Variants in TSPAN5 observed in about 807,000 individuals in gnomAD.
TSPAN5 encodes tetraspanin-5.
A neutral mutation model predicts 37.1 loss-of-function variants in TSPAN5; 10 were observed. The observed-to-expected ratio is 0.27, with a 90% confidence interval of 0.17 to 0.46. The LOEUF (loss-of-function observed/expected upper bound fraction) is 0.46, where lower values mean the gene tolerates loss of function less well. TSPAN5 is among the 20% of genes least tolerant of loss of function. The pLI, the probability that TSPAN5 is intolerant of heterozygous loss-of-function variation, is 1.00. For missense variants in TSPAN5, 195 were observed against 326.6 expected (o/e 0.60, Z 3.11); for synonymous variants, 110 against 118.9 (o/e 0.93, Z 0.48).
intron 1 of TSPAN5, among the ~76,000 whole-genome samples, chr4:98,649,327 T>G (rs1757135271): frequency 6.6e-6 from 1 of 152,184 alleles, no homozygotes; most frequent in Non-Finnish European, 1.5e-5. Flanking sequence ...GGTAGCAGGT[T>G]TGAAATCCAA....
Position 98,471,167 on chromosome 4 carries a change from G to C in TSPAN5, c.*1355C>G, listed in dbSNP as rs1752574189. The C allele has an allele frequency of 6.6e-6, 1 of 152,228 alleles. No individual in the cohort carries two copies. Among genetic ancestry groups the C allele is most frequent in the South Asian group, 2.1e-4 (1 of 4,830 alleles). The allele number at this position is 152,228 out of a possible 1,614,324, so 9.4% of individuals were successfully genotyped here. A position where few individuals can be genotyped will look rare whatever the true frequency, so the allele number is the denominator to read the frequency against. On this transcript the variant is annotated 3_prime_UTR_variant, in exon 8 of 8. Coordinates refer to ENST00000305798, the MANE Select transcript of TSPAN5 (RefSeq NM_005723.4). The stretch of plus-strand genomic sequence containing the variant: ...TGCTTTGATACCATCCTGATGGTTA[G>C]TCTGCAATAAGAGAACTGAAGGAGC...
intron 1 of TSPAN5, among the ~76,000 whole-genome samples, chr4:98,550,390 T>C (rs1287594822): frequency 1.3e-5 from 2 of 152,164 alleles, no homozygotes; most frequent in Non-Finnish European, 2.9e-5. Context: ...ATATGAATTT[T>C]AGGATTGGGT....
intron 1 of TSPAN5, among the ~76,000 whole-genome samples, chr4:98,525,274 C>T (rs1753935834): frequency 2.0e-5 from 3 of 152,200 alleles, no homozygotes; most frequent in African/African-American, 7.2e-5. Context: ...TCGTTTCCTT[C>T]AGTAACATTG....
At chr4:98,476,095 G>T in intron 7 of TSPAN5, 94 bp downstream of exon 7, 1 of 906,256 alleles carries the variant, frequency 1.1e-6, no homozygotes, top group South Asian at 1.5e-5. Flanking sequence ...TAAAAACTAT[G>T]ACAATCAAGG....
chr4:98,624,738 G>C (rs1464931091), intron 1 of TSPAN5, among the ~76,000 whole-genome samples: 1 of 152,112 alleles, frequency 6.6e-6, no homozygotes, highest in Non-Finnish European at 1.5e-5. Flanking sequence ...GTAGTTAATG[G>C]GGTAGAGCCA....
chr4:98,478,555 C>T (rs1421945539), intron 5 of TSPAN5, 130 bp downstream of exon 5: 2 of 1,089,868 alleles, frequency 1.8e-6, no homozygotes, highest in East Asian at 4.8e-5. Context: ...CACCATAACC[C>T]CCTACAGGAG....
intron 1 of TSPAN5, among the ~76,000 whole-genome samples, chr4:98,644,570 G>A (rs969499952): frequency 5.3e-5 from 8 of 151,814 alleles, no homozygotes; most frequent in Non-Finnish European, 1.0e-4. Flanking sequence ...GGTTACATAT[G>A]TATACATGTG....
At chr4:98,488,752 G>C (rs975864247) in intron 2 of TSPAN5, among the ~76,000 whole-genome samples, 1 of 152,110 alleles carries the variant, frequency 6.6e-6, no homozygotes, top group African/African-American at 2.4e-5. Context: ...CAGAGAAGTC[G>C]GACAAAATCC....
chr4:98,572,689 C>T (rs1755152810), intron 1 of TSPAN5, among the ~76,000 whole-genome samples: 1 of 152,254 alleles, frequency 6.6e-6, no homozygotes, highest in Non-Finnish European at 1.5e-5. Context: ...TAACACAATC[C>T]TAGCACTAGC....
chr4:98,575,687 T>C (rs1414071490), intron 1 of TSPAN5, among the ~76,000 whole-genome samples: 1 of 151,786 alleles, frequency 6.6e-6, no homozygotes, highest in East Asian at 1.9e-4. Flanking sequence ...TCACATAATA[T>C]TCTAGAAACT....
At chr4:98,652,479 A>G (rs1757212279) in intron 1 of TSPAN5, among the ~76,000 whole-genome samples, 2 of 152,218 alleles carry the variant, frequency 1.3e-5, no homozygotes, top group African/African-American at 4.8e-5. Context: ...CAAAAACTTT[A>G]TCACTTTTCG....
At chr4:98,561,232 G>A (rs753362262) in intron 1 of TSPAN5, among the ~76,000 whole-genome samples, 12 of 152,232 alleles carry the variant, frequency 7.9e-5, no homozygotes, top group Admixed American at 5.9e-4. Flanking sequence ...GAGCCATAAC[G>A]TGGAAAGGGC....
At chr4:98,655,868 T>C (rs914453164) in intron 1 of TSPAN5, among the ~76,000 whole-genome samples, 2 of 152,048 alleles carry the variant, frequency 1.3e-5, no homozygotes, top group Admixed American at 1.3e-4. Context: ...AATTTAAATA[T>C]GGGGTAATTT....
At chr4:98,520,878 T>C (rs1411935934) in intron 1 of TSPAN5, among the ~76,000 whole-genome samples, 2 of 147,334 alleles carry the variant, frequency 1.4e-5, no homozygotes, top group Non-Finnish European at 1.5e-5. Context: ...ACTTATCTGG[T>C]GCCTATTTCC....
intron 1 of TSPAN5, among the ~76,000 whole-genome samples, chr4:98,642,747 G>A (rs1208236437): frequency 1.3e-5 from 2 of 151,926 alleles, no homozygotes; most frequent in Non-Finnish European, 2.9e-5. Flanking sequence ...ATCCTGTATA[G>A]GTCTAGGCTA....
intron 1 of TSPAN5, among the ~76,000 whole-genome samples, chr4:98,609,264 A>G (rs1468610569): frequency 1.5e-5 from 2 of 131,866 alleles, no homozygotes; most frequent in Non-Finnish European, 3.5e-5. Context: ...TTTAGGTCGG[A>G]TTTGCTGGGG....
chr4:98,501,566 T>A (rs1391523105), intron 2 of TSPAN5, among the ~76,000 whole-genome samples: 3 of 152,064 alleles, frequency 2.0e-5, no homozygotes, highest in Admixed American at 2.0e-4. Flanking sequence ...AAGGTGACAT[T>A]TGAGAAGAAA....
intron 1 of TSPAN5, among the ~76,000 whole-genome samples, chr4:98,520,786 T>C (rs1354086794): frequency 6.6e-6 from 1 of 152,248 alleles, no homozygotes. Flanking sequence ...AACAGAGATA[T>C]AACGCTGCAG....
chr4:98,654,523 G>T (rs1010369532), intron 1 of TSPAN5, among the ~76,000 whole-genome samples: 4 of 152,082 alleles, frequency 2.6e-5, no homozygotes, highest in Non-Finnish European at 4.4e-5. Context: ...GTCCCAGTAC[G>T]GTGACACCCT....
Sources: gnomAD v4.1 joint callset for allele counts (sites outside exome capture counted in the v4.1 genomes callset) on GRCh38, gnomAD v4.1.1 for gene constraint, MANE v1.5 for transcripts, NCBI Gene and HGNC (gene_info 2026-07-23, HGNC 2026-07-21) for gene names.